IRAG2: variants seen among roughly 807,000 people sequenced by gnomAD.
The protein encoded by IRAG2 is lymphoid restricted membrane protein.
In IRAG2, 45 loss-of-function variants were observed where a neutral mutation model predicts 69.9. The observed-to-expected ratio is 0.64, with a 90% CI of 0.51 to 0.83. The LOEUF (loss-of-function observed/expected upper bound fraction) is 0.83, where lower values mean the gene tolerates loss of function less well. IRAG2 is among the 40% of genes least tolerant of loss of function. The pLI is 0.00. For synonymous variants in IRAG2, 193 were observed against 202.4 expected (o/e 0.95, Z 0.40); for missense variants, 520 against 587.0 (o/e 0.89, Z 1.18).
intron 2 of IRAG2, among the ~76,000 whole-genome samples, chr12:25,007,869 G>A (rs1944444937): frequency 6.6e-6 from 1 of 152,156 alleles, no homozygotes; most frequent in South Asian, 2.1e-4. Flanking sequence ...TGGTGATTGT[G>A]TATCTGTAGG....
At chr12:25,026,910 A>G in intron 9 of IRAG2, 1 of 989,634 alleles carries the variant, frequency 1.0e-6, no homozygotes, top group Non-Finnish European at 1.3e-6. Context: ...TTTTCTGTCA[A>G]ACCAGTATTA....
At chr12:25,041,989 GTGTA>G (rs1307353238) in intron 16 of IRAG2, among the ~76,000 whole-genome samples, 16 of 144,544 alleles carry the variant, frequency 1.1e-4, no homozygotes, top group Non-Finnish European at 1.8e-4. Context: ...GTGTGTGTGT[GTGTA>G]TGTGTATGTG....
At chr12:25,088,902 A>G (rs1947831798) in intron 11 of IRAG2, among the ~76,000 whole-genome samples, 2 of 151,976 alleles carry the variant, frequency 1.3e-5, no homozygotes, top group South Asian at 4.1e-4. Context: ...AAAGTTAGTT[A>G]CTATTATAAA....
intron 16 of IRAG2, 77 bp downstream of exon 16, chr12:25,101,402 T>C (rs1948743178): frequency 1.0e-6 from 1 of 979,604 alleles, no homozygotes; most frequent in South Asian, 2.4e-5. Context: ...TTATTATTAC[T>C]TCAGTATAAT....
intron 14 of IRAG2, chr12:25,090,845 CA>C (rs1374870683): frequency 4.4e-6 from 2 of 453,550 alleles, no homozygotes; most frequent in African/African-American, 2.0e-5. Flanking sequence ...GAAAACTGAG[CA>C]ATAGGAAATA....
At chr12:25,068,511 C>T (rs1347355146) in intron 5 of IRAG2, among the ~76,000 whole-genome samples, 1 of 152,150 alleles carries the variant, frequency 6.6e-6, no homozygotes, top group African/African-American at 2.4e-5. Flanking sequence ...GTGATCACCT[C>T]AGCCCCCTCC....
chr12:25,074,665 A>G (rs1320307111), intron 6 of IRAG2, among the ~76,000 whole-genome samples: 1 of 152,230 alleles, frequency 6.6e-6, no homozygotes, highest in African/African-American at 2.4e-5. Flanking sequence ...TATTTCCCAG[A>G]ATCAGAATTA....
At chr12:25,085,104 C>G (rs937511594) in intron 10 of IRAG2, among the ~76,000 whole-genome samples, 13 of 152,246 alleles carry the variant, frequency 8.5e-5, no homozygotes, top group Admixed American at 7.8e-4. Context: ...TTACAAAGCT[C>G]TTTCAGATTT....
In IRAG2 at chr12:25,104,446, G is replaced by C; in HGVS notation, c.1132G>C (p.Glu378Gln). ...STYSWADAEE[E>Q]KCELKTKDDS... Reference sequence around the variant, plus strand: ...CTATTCCTGGGCAGATGCTGAAGAAGAAAAATGTGAACTAAAGTAGGTGAA... The same window carrying C: ...CTATTCCTGGGCAGATGCTGAAGAACAAAAATGTGAACTAAAGTAGGTGAA... The change falls in exon 20 of 22, where the codon GAA (glutamate) becomes CAA (glutamine). Residue 378 changes from glutamate to glutamine, a missense_variant. Glu to Gln is a conservative substitution (Grantham distance 29). Transcript: ENST00000556887. The C allele has an allele frequency of 6.2e-7, 1 of 1,606,956 alleles. No individual in the cohort carries two copies. The highest frequency in any genetic ancestry group is 2.2e-5 in the East Asian group (1 of 44,790).
At chr12:25,016,438 T>A (rs1253338871) in intron 5 of IRAG2, among the ~76,000 whole-genome samples, 1 of 152,124 alleles carries the variant, frequency 6.6e-6, no homozygotes, top group Admixed American at 6.5e-5. Flanking sequence ...TAGGAACTGT[T>A]TCCTAGGTAA....
intron 7 of IRAG2, chr12:25,023,828 A>G (rs896106204): frequency 1.9e-6 from 2 of 1,051,518 alleles, no homozygotes; most frequent in East Asian, 3.2e-5. Context: ...ATTTTCATAA[A>G]CATCTTAAAT....
At chr12:25,101,371 TCTC>T (rs758446682) in intron 16 of IRAG2, 46 bp downstream of exon 16, 38 of 1,402,486 alleles carry the variant, frequency 2.7e-5, no homozygotes, top group Non-Finnish European at 3.4e-5. Flanking sequence ...TTTTCTACAT[TCTC>T]CTCTTTTTTG....
chr12:25,081,449 G>C (rs1472068573), intron 9 of IRAG2, among the ~76,000 whole-genome samples: 1 of 152,180 alleles, frequency 6.6e-6, no homozygotes, highest in Non-Finnish European at 1.5e-5. Context: ...GGGCAACAGA[G>C]CAAGACTCCG....
intron 11 of IRAG2, chr12:25,032,237 G>C (rs1048780190): frequency 1.3e-5 from 5 of 398,884 alleles, no homozygotes; most frequent in African/African-American, 1.0e-4. Flanking sequence ...ACCTTGCAAG[G>C]TGGGCTTGTT....
chr12:25,008,304 G>T (rs860879), intron 2 of IRAG2, among the ~76,000 whole-genome samples: 1 of 151,972 alleles, frequency 6.6e-6, no homozygotes, highest in African/African-American at 2.4e-5. Context: ...TACCAGTTTT[G>T]AAAATACTAA....
intron 2 of IRAG2, among the ~76,000 whole-genome samples, chr12:25,005,929 A>G (rs1591920908): frequency 6.6e-6 from 1 of 152,172 alleles, no homozygotes. Context: ...GAAACTGTCA[A>G]TAGAGTAAAT....
intron 10 of IRAG2, chr12:25,031,118 A>G (rs1374893975): frequency 2.1e-6 from 2 of 955,064 alleles, no homozygotes; most frequent in Non-Finnish European, 2.5e-6. Flanking sequence ...AAAGAATGAT[A>G]TTTGCCACTC....
chr12:25,065,137 CAGTTCT>C (rs1945893870), intron 4 of IRAG2, among the ~76,000 whole-genome samples: 1 of 148,640 alleles, frequency 6.7e-6, no homozygotes, highest in Admixed American at 7.9e-5. Flanking sequence ...GTGCCAGACA[CAGTTCT>C]ATGCTCTTAA....
intron 1 of IRAG2, among the ~76,000 whole-genome samples, chr12:25,054,908 G>T (rs568339123): frequency 6.6e-6 from 1 of 152,288 alleles, no homozygotes; most frequent in African/African-American, 2.4e-5. Flanking sequence ...AAATGTCAAT[G>T]ACTGCAGTTA....
Sources: allele counts gnomAD v4.1 joint callset (sites outside exome capture counted in the v4.1 genomes callset), GRCh38; gene constraint gnomAD v4.1.1; transcripts MANE v1.5; gene names NCBI Gene and HGNC (gene_info 2026-07-23, HGNC 2026-07-21).